Variants in BSN observed in about 807,000 individuals in gnomAD.
The protein encoded by BSN is protein bassoon.
Under a neutral mutation model 264.8 loss-of-function variants are expected in BSN, and 57 were observed. The ratio of observed to expected loss-of-function variants is 0.22; its 90% CI spans 0.17 to 0.27. The LOEUF is 0.27. Among genes scored for constraint, BSN ranks in the 10% least tolerant of loss-of-function variants. BSN has a pLI of 1.00. For synonymous variants in BSN, 2,059 were observed against 2,137.3 expected (o/e 0.96, Z 1.01); for missense variants, 4,615 against 5,232.5 (o/e 0.88, Z 3.64).
intron 1 of BSN, among the ~76,000 whole-genome samples, chr3:49,584,747 G>T (rs2051921905): frequency 6.6e-6 from 1 of 151,776 alleles, no homozygotes; most frequent in South Asian, 2.1e-4. Context: ...CTATTTTTTT[G>T]TGTACCCATT....
rs1323706980 is a variant in BSN at position 49,651,853 on chromosome 3, T to C, written c.2297T>C (p.Ile766Thr). 12 of 1,613,836 alleles carry C rather than the reference T, an allele frequency of 7.4e-6. No homozygotes were observed. The highest frequency in any genetic ancestry group is 9.3e-6 in the Non-Finnish European group (11 of 1,180,038). The change falls in exon 5 of 12, where the codon ATC becomes ACC. Residue 766 changes from isoleucine to threonine, a missense_variant. This residue lies in a region of BSN where 1,197 missense variants were observed against 1,348.0 expected (regional missense o/e 0.89). Transcript: ENST00000296452. This position sits in a 1 kb window ranked among gnomAD's most constrained non-coding sequence, Gnocchi z 5.4. ...AAGCAGCGGCCCCACTCCTTGTCCA[T>C]CACGCCTGAGGCCTTTGACTCTGAT... is the stretch of plus-strand genomic sequence containing the variant. ...EQKQRPHSLS[I>T]TPEAFDSDEE... is the part of the protein sequence containing the mutation.
Position 49,657,700 on chromosome 3 carries a change from G to T in BSN, c.8144G>T (p.Ser2715Ile), listed in dbSNP as rs764215515. The T allele has an allele frequency of 3.2e-6, 5 of 1,554,052 alleles. No homozygotes were observed. Among genetic ancestry groups the T allele is most frequent in the Non-Finnish European group, 4.4e-6 (5 of 1,146,840 alleles). The stretch of plus-strand genomic sequence containing the variant: ...CCAGAGAAGACTGGGCGTGGGGAGA[G>T]CCTGGCCTGCCAGACGGAGCCAGAT... ...SAPEKTGRGE[S>I]LACQTEPDGQ... Residue 2715 changes from serine (S) to isoleucine (I), a missense_variant, in exon 5 of 12, where the codon AGC becomes ATC. By Grantham distance (142) the Ser-to-Ile change is moderately radical. Around this residue, in one of 3 missense-constraint regions of BSN, gnomAD observed 3,415 missense variants for 3,866.4 expected, o/e 0.88. Coordinates refer to ENST00000296452, the MANE Select transcript of BSN (RefSeq NM_003458.4).
In BSN at chr3:49,571,091, G is replaced by A. The variant is rs563896133; in HGVS notation, c.224+16265G>A. Reference sequence around the variant, plus strand: ...GGAAAAAACAAGAAGTTCAGATAGCGACAGGCATTGCTTTTGAAAAGATAG... The same window carrying A: ...GGAAAAAACAAGAAGTTCAGATAGCAACAGGCATTGCTTTTGAAAAGATAG... On this transcript the variant is annotated intron_variant, in intron 1 of 11. Transcript: ENST00000296452. 2.6e-5 allele frequency among the ~76,000 whole-genome samples: 4 copies of A among 152,282 alleles called. No homozygotes were observed. The South Asian group carries it at 6.2e-4, about 24-fold the overall frequency.
In BSN at chr3:49,589,479, C is replaced by T. The variant is rs7429405; in HGVS notation, c.224+34653C>T. Among the ~76,000 whole-genome samples the T allele has an allele frequency of 1.9e-3, 278 of 149,540 alleles. 2 individuals carry two copies. The highest frequency in any genetic ancestry group is 6.4e-3 in the African/African-American group (260 of 40,832). On this transcript the variant is annotated intron_variant, in intron 1 of 11. Transcript: ENST00000296452. ...CTAATGGATTGACCTCTTTATCAATCTTCAATCTTCATTTTCTTTTTCTTT... is the reference window on the plus strand; with the variant it reads ...CTAATGGATTGACCTCTTTATCAATTTTCAATCTTCATTTTCTTTTTCTTT...
intron 1 of BSN, among the ~76,000 whole-genome samples, chr3:49,582,905 A>G (rs2051905328): frequency 6.6e-6 from 1 of 152,024 alleles, no homozygotes; most frequent in South Asian, 2.1e-4. Flanking sequence ...AGGTAAACAT[A>G]TAGTTTCTTC....
intron 1 of BSN, among the ~76,000 whole-genome samples, chr3:49,592,623 C>T (rs1354605395): frequency 1.3e-5 from 2 of 150,892 alleles, no homozygotes; most frequent in African/African-American, 4.9e-5. Flanking sequence ...TGGTGGCGGG[C>T]GCCTGTAGTC....
chr3:49,597,390 T>C (rs941070006), intron 1 of BSN, among the ~76,000 whole-genome samples: 2 of 152,172 alleles, frequency 1.3e-5, no homozygotes, highest in Admixed American at 6.6e-5. Context: ...TGTTCACATC[T>C]TACTACAGCC....
At position 49,554,531 on chromosome 3, in the gene BSN, G is replaced by T; in HGVS notation, c.-72G>T. 2 of 513,956 alleles carry T rather than the reference G, an allele frequency of 3.9e-6. No homozygotes were observed. Among genetic ancestry groups the T allele is most frequent in the Non-Finnish European group, 5.0e-6 (2 of 399,448 alleles). The allele number at this position is 513,956 out of a possible 1,614,324, so 31.8% of individuals were successfully genotyped here. A position where few individuals can be genotyped will look rare whatever the true frequency, so the allele number is the denominator to read the frequency against. ...GGCGGCGGCAGCGGCGGCGCCGAGA[G>T]TGTGAGCACCGCCCGGGAGCCGCCG... On this transcript the variant is annotated 5_prime_UTR_variant, in exon 1 of 12. Transcript: ENST00000296452.
chr3:49,557,845 G>T (rs2051685878), intron 1 of BSN, among the ~76,000 whole-genome samples: 1 of 152,120 alleles, frequency 6.6e-6, no homozygotes, highest in Non-Finnish European at 1.5e-5. Context: ...GATTACAGGC[G>T]GGAGCCACTG....
intron 1 of BSN, among the ~76,000 whole-genome samples, chr3:49,592,462 A>G (rs2051985867): frequency 6.6e-6 from 1 of 150,798 alleles, no homozygotes; most frequent in African/African-American, 2.4e-5. Context: ...GTAAGAAATA[A>G]TACAGAGAGG....
chr3:49,594,334 T>A lies in BSN; in HGVS notation c.225-30641T>A, dbSNP rs138451812. On this transcript the variant is annotated intron_variant, in intron 1 of 11. Transcript: ENST00000296452. The stretch of plus-strand genomic sequence containing the variant: ...ATTTAAGTCTATTAGCCATTGTTAG[T>A]TAATTCTCATATAAGGTTTCAAGCT... Among the ~76,000 whole-genome samples, 417 of 152,348 alleles carry A rather than the reference T, an allele frequency of 2.7e-3. 3 individuals are homozygous for A. The highest frequency in any genetic ancestry group is 9.3e-3 in the African/African-American group (387 of 41,572).
At chr3:49,662,735 T>C in intron 6 of BSN, 141 bp from the exon 7 acceptor site, 1 of 1,141,792 alleles carries the variant, frequency 8.8e-7, no homozygotes, top group Non-Finnish European at 1.2e-6. Context: ...TGGTCCGTGG[T>C]TGCGGGAGGG....
chr3:49,588,856 A>G (rs947798691), intron 1 of BSN, among the ~76,000 whole-genome samples: 4 of 151,230 alleles, frequency 2.6e-5, no homozygotes, highest in Non-Finnish European at 4.4e-5. Context: ...TTTATGGCCT[A>G]ATCTGGAGGG....
intron 1 of BSN, among the ~76,000 whole-genome samples, chr3:49,570,710 A>G (rs1035747327): frequency 1.3e-5 from 2 of 152,208 alleles, no homozygotes; most frequent in Non-Finnish European, 2.9e-5. Context: ...TTCTCCCTGT[A>G]TTCAAATTAG....
intron 1 of BSN, among the ~76,000 whole-genome samples, chr3:49,566,527 G>A (rs914098476): frequency 2.6e-5 from 4 of 152,124 alleles, no homozygotes; most frequent in African/African-American, 7.2e-5. Context: ...GCTCCCCCCT[G>A]TAATCTCAGC....
Position 49,657,140 on chromosome 3 carries a change from C to T in BSN, c.7584C>T (p.His2528=), listed in dbSNP as rs1460411770. Residue 2528 remains histidine (H), a synonymous_variant, in exon 5 of 12, where the codon CAC becomes CAT. Coordinates refer to ENST00000296452, the MANE Select transcript of BSN (RefSeq NM_003458.4). ...GGCAGCCTCGTGAGCCTGTGCTGCA[C>T]CGGGGTCTCCCCAGCTCTGCCTCAG... ...GLGQPREPVL[H]RGLPSSASDM... 4 of 1,613,132 alleles carry T rather than the reference C, an allele frequency of 2.5e-6. No homozygotes were observed. The highest frequency in any genetic ancestry group is 2.2e-5 in the East Asian group (1 of 44,894).
At chr3:49,622,131 G>T (rs896562850) in intron 1 of BSN, among the ~76,000 whole-genome samples, 3 of 152,126 alleles carry the variant, frequency 2.0e-5, no homozygotes, top group Non-Finnish European at 4.4e-5. Flanking sequence ...GGTGAACACT[G>T]GGGGACAGGA....
intron 1 of BSN, among the ~76,000 whole-genome samples, chr3:49,598,913 A>T (rs149280134): frequency 2.0e-4 from 30 of 152,332 alleles, no homozygotes; most frequent in African/African-American, 5.5e-4. Flanking sequence ...TTTTTTTAAT[A>T]TTTAATGTAT....
intron 1 of BSN, among the ~76,000 whole-genome samples, chr3:49,622,346 G>A (rs1254421290): frequency 6.6e-6 from 1 of 152,208 alleles, no homozygotes; most frequent in East Asian, 1.9e-4. Context: ...TGTCATGATG[G>A]CTACCATGAG....
Sources: allele counts gnomAD v4.1 joint callset (sites outside exome capture counted in the v4.1 genomes callset), GRCh38; gene constraint gnomAD v4.1.1; regional missense constraint gnomAD v4.1.1; non-coding constraint Gnocchi (gnomAD v3.1); transcripts MANE v1.5; gene names NCBI Gene and HGNC (gene_info 2026-07-23, HGNC 2026-07-21).